Variants in SMCHD1 observed in about 807,000 individuals in gnomAD.
The protein encoded by SMCHD1 is structural maintenance of chromosomes flexible hinge domain-containing protein 1.
SMCHD1 carries 78 observed loss-of-function variants against 254.7 expected under a neutral mutation model. The ratio of observed to expected loss-of-function variants is 0.31; its 90% confidence interval spans 0.26 to 0.37. SMCHD1 has a LOEUF of 0.37. SMCHD1 is among the 10% of genes least tolerant of loss of function. The pLI, the probability that SMCHD1 is intolerant of heterozygous loss-of-function variation, is 1.00. For synonymous variants in SMCHD1, 766 were observed against 794.9 expected, an observed-to-expected ratio of 0.96 and a Z score of 0.61; for missense variants, 1,840 against 2,408.1, an observed-to-expected ratio of 0.76 and a Z score of 4.94.
intron 45 of SMCHD1, among the ~76,000 whole-genome samples, chr18:2,790,397 T>G (rs2076301336): frequency 6.6e-6 from 1 of 152,166 alleles, no homozygotes; most frequent in South Asian, 2.1e-4. Context: ...TTCTGTTTTA[T>G]TGTTGTTGTT....
At position 2,656,189 on chromosome 18, in the gene SMCHD1, C is replaced by T. The variant is rs191609659; in HGVS notation, c.114C>T (p.Ser38=). 3 of 1,505,992 alleles carry T rather than the reference C, an allele frequency of 2.0e-6. No homozygotes were observed. Among genetic ancestry groups the T allele is most frequent in the Non-Finnish European group, 1.8e-6 (2 of 1,132,432 alleles). The allele number at this position is 1,505,992 out of a possible 1,614,324, so 93.3% of individuals were successfully genotyped here. ...VYLFDRREKE[S]ELGDRPLQVG... is the part of the protein sequence containing the mutation. ...TGTTTGATCGGCGCGAAAAGGAGTCCGAGCTCGGGGACCGGCCTCTGCAGG... is the reference window on the plus strand; with the variant it reads ...TGTTTGATCGGCGCGAAAAGGAGTCTGAGCTCGGGGACCGGCCTCTGCAGG... The change falls in exon 1 of 48, where the codon TCC becomes TCT. Residue 38 remains serine (S), a synonymous_variant. Transcript: ENST00000320876.
Position 2,703,874 on chromosome 18 carries a change from A to G in SMCHD1, c.1830A>G (p.Lys610=), listed in dbSNP as rs777825914. The G allele has an allele frequency of 6.3e-7, 1 of 1,592,556 alleles. No homozygotes were observed. The highest frequency in any genetic ancestry group is 1.4e-5 in the African/African-American group (1 of 73,840). Residue 610 remains lysine (K), a synonymous_variant, in exon 13 of 48, where the codon AAA becomes AAG. Transcript: ENST00000320876. The stretch of plus-strand genomic sequence containing the variant: ...TAGAATGGGATGGAAAGATATACAA[A>G]GCAGGACAGCTGGTAGGTTTAACTT... ...AAIEWDGKIY[K]AGQLVKTIKT... is the part of the protein sequence containing the mutation.
chr18:2,794,712 G>GA (rs1285478795), intron 45 of SMCHD1, among the ~76,000 whole-genome samples: 1 of 152,054 alleles, frequency 6.6e-6, no homozygotes, highest in Non-Finnish European at 1.5e-5. Context: ...GATCATTGTG[G>GA]AAAAAAATTG....
chr18:2,662,614 C>T (rs2073318003), intron 1 of SMCHD1, among the ~76,000 whole-genome samples: 1 of 139,146 alleles, frequency 7.2e-6, no homozygotes, highest in African/African-American at 2.7e-5. Context: ...CATTGCACTC[C>T]AGCCTGCACA....
intron 37 of SMCHD1, 190 bp downstream of exon 37, chr18:2,763,979 T>C (rs998130654): frequency 2.0e-6 from 1 of 505,086 alleles, no homozygotes; most frequent in Admixed American, 4.4e-5. Flanking sequence ...AGTAAGACTC[T>C]CGTTTTTCCT....
intron 7 of SMCHD1, among the ~76,000 whole-genome samples, chr18:2,693,622 TTTTGTTTGTTTGTTTG>T (rs77752065): frequency 2.0e-5 from 3 of 149,276 alleles, no homozygotes; most frequent in Non-Finnish European, 4.4e-5. Flanking sequence ...ATACCATGTT[TTTTGTTTGTTTGTTTG>T]TTTGTTTGTT....
rs561158701 is a variant in SMCHD1, at chr18:2,680,370, C to T, written c.638+6225C>T. ...ATGTAATGGCTTCCCTGAACTAATT[C>T]TGTTAAGTCTGTATCCTTGTGTTAC... On this transcript the variant is annotated intron_variant, in intron 5 of 47. Transcript: ENST00000320876. Among the ~76,000 whole-genome samples the T allele has an allele frequency of 4.6e-5, 7 of 152,268 alleles. No individual in the cohort carries two copies. The East Asian group carries it at 1.3e-3, about 29-fold the overall frequency.
intron 46 of SMCHD1, 55 bp downstream of exon 46, chr18:2,796,162 A>G (rs1430453331): frequency 2.2e-6 from 3 of 1,360,406 alleles, no homozygotes; most frequent in Non-Finnish European, 2.9e-6. Context: ...ATAAATATTT[A>G]TGATGAGAGA....
chr18:2,747,662 T>C lies in SMCHD1; in HGVS notation c.3927+15T>C. Reference sequence around the variant, plus strand: ...GCAATTTAAAGGTAAGTTTTAAACTTCCTTACATCTTCATTTAAAATTCTG... The same window carrying C: ...GCAATTTAAAGGTAAGTTTTAAACTCCCTTACATCTTCATTTAAAATTCTG... On this transcript the variant is annotated intron_variant, in intron 30 of 47. Transcript: ENST00000320876. 1 of 1,521,426 alleles carries C rather than the reference T, an allele frequency of 6.6e-7. No individual in the cohort carries two copies. The highest frequency in any genetic ancestry group is 8.9e-7 in the Non-Finnish European group (1 of 1,126,914). The allele number at this position is 1,521,426 out of a possible 1,614,324, so 94.2% of individuals were successfully genotyped here. A position where few individuals can be genotyped will look rare whatever the true frequency, so the allele number is the denominator to read the frequency against.
At chr18:2,762,398 G>A (rs1345573766) in intron 36 of SMCHD1, among the ~76,000 whole-genome samples, 162 bp downstream of exon 36, 2 of 151,120 alleles carry the variant, frequency 1.3e-5, no homozygotes, top group Admixed American at 1.3e-4. Flanking sequence ...CTTTGTATTT[G>A]AATACAAATA....
At chr18:2,746,803 G>A (rs563881419) in intron 29 of SMCHD1, among the ~76,000 whole-genome samples, 20 of 152,248 alleles carry the variant, frequency 1.3e-4, no homozygotes, top group African/African-American at 4.8e-4. Flanking sequence ...TGTTGGCCCA[G>A]GGGATTGGGC....
chr18:2,708,629 T>C (rs1385557914), intron 17 of SMCHD1, among the ~76,000 whole-genome samples: 1 of 145,756 alleles, frequency 6.9e-6, no homozygotes, highest in African/African-American at 2.5e-5. Flanking sequence ...TTTTTTTTTT[T>C]TGAGACAGAG....
intron 5 of SMCHD1, among the ~76,000 whole-genome samples, chr18:2,684,385 G>A (rs2073993686): frequency 6.6e-6 from 1 of 151,900 alleles, no homozygotes; most frequent in African/African-American, 2.4e-5. Context: ...TCATTTCCTG[G>A]TATCTTTTAT....
At position 2,672,099 on chromosome 18, in the gene SMCHD1, T is replaced by C. The variant is rs75225983; in HGVS notation, c.425-1182T>C. On this transcript the variant is annotated intron_variant, in intron 3 of 47. Coordinates refer to ENST00000320876, the MANE Select transcript of SMCHD1 (RefSeq NM_015295.3). The stretch of plus-strand genomic sequence containing the variant: ...GTCCCTTCTTCATTTTCTGGAGTTA[T>C]TACCTTAGCCAGATTACCCTTGTAC... 1.2e-4 allele frequency among the ~76,000 whole-genome samples: 18 copies of C among 152,346 alleles called. No individual in the cohort carries two copies. The East Asian group carries it at 3.5e-3, about 29-fold the overall frequency.
At chr18:2,673,917 A>T in intron 4 of SMCHD1, 98 bp from the exon 5 acceptor site, 1 of 1,216,918 alleles carries the variant, frequency 8.2e-7, no homozygotes, top group Non-Finnish European at 1.1e-6. Context: ...AGTAATGTAT[A>T]AGTGAGCCTG....
chr18:2,698,547 T>G (rs1350105969), intron 10 of SMCHD1, among the ~76,000 whole-genome samples: 1 of 152,160 alleles, frequency 6.6e-6, no homozygotes, highest in Non-Finnish European at 1.5e-5. Context: ...TATTTAAATT[T>G]TTGAGTGATG....
chr18:2,768,346 ATGAT>A (rs1018703550), intron 37 of SMCHD1, among the ~76,000 whole-genome samples: 10 of 151,410 alleles, frequency 6.6e-5, no homozygotes, highest in African/African-American at 1.5e-4. Flanking sequence ...AGAAAAAAAT[ATGAT>A]TGATATTAAA....
In SMCHD1 at chr18:2,747,536, T is replaced by C. The variant is rs2075479025; in HGVS notation, c.3816T>C (p.Ile1272=). 6.2e-7 allele frequency: 1 copy of C among 1,605,704 alleles called. No individual in the cohort carries two copies. The highest frequency in any genetic ancestry group is 1.3e-5 in the African/African-American group (1 of 74,758). Residue 1272 remains isoleucine (I), a synonymous_variant, in exon 30 of 48, where the codon ATT becomes ATC. Coordinates refer to ENST00000320876, the MANE Select transcript of SMCHD1 (RefSeq NM_015295.3). ...ATTCTTTTCAGTCCATTCCAGTGAT[T>C]AATGGAAGAGATTTACAGAACCCTA... ...WPELKESIPV[I]NGRDLQNPII... is the part of the protein sequence containing the mutation.
intron 19 of SMCHD1, among the ~76,000 whole-genome samples, chr18:2,721,027 A>G (rs1401369574): frequency 3.3e-5 from 5 of 152,182 alleles, no homozygotes; most frequent in South Asian, 2.1e-4. Context: ...TGACTAGCAC[A>G]TGCATTGAAG....
Sources: allele counts gnomAD v4.1 joint callset (sites outside exome capture counted in the v4.1 genomes callset), GRCh38; gene constraint gnomAD v4.1.1; transcripts MANE v1.5; gene names NCBI Gene and HGNC (gene_info 2026-07-23, HGNC 2026-07-21).